KDM2B: variants seen among roughly 807,000 people sequenced by gnomAD.
KDM2B encodes the protein lysine demethylase 2B, also known as lysine-specific demethylase 2B.
In KDM2B, 26 loss-of-function variants were observed where a neutral mutation model predicts 150.0. The observed-to-expected ratio is 0.17, with a 90% CI of 0.13 to 0.24. The LOEUF is 0.24. Among genes scored for constraint, KDM2B ranks in the 10% least tolerant of loss-of-function variants. The pLI is 1.00. For missense variants in KDM2B, 1,265 were observed against 1,816.9 expected (o/e 0.70, Z 5.52); for synonymous variants, 734 against 729.5 (o/e 1.01, Z -0.10).
At chr12:121,569,517 C>T (rs1201322141) in intron 4 of KDM2B, among the ~76,000 whole-genome samples, 1 of 152,184 alleles carries the variant, frequency 6.6e-6, no homozygotes, top group African/African-American at 2.4e-5. Context: ...TAGATGTCCC[C>T]GGAGGTTACA....
chr12:121,566,450 T>C (rs527955484), intron 4 of KDM2B, among the ~76,000 whole-genome samples: 8 of 152,140 alleles, frequency 5.3e-5, no homozygotes, highest in African/African-American at 1.9e-4. Context: ...GGTAAAACCC[T>C]GTCTCTACTA....
chr12:121,508,884 C>A (rs1402057457), intron 11 of KDM2B, among the ~76,000 whole-genome samples: 3 of 152,226 alleles, frequency 2.0e-5, no homozygotes, highest in Non-Finnish European at 2.9e-5. Context: ...CGTGCTCCAA[C>A]ATGCTGGCCC....
the KDM2B span, among the ~76,000 whole-genome samples, chr12:121,422,468 C>A: frequency 6.6e-6 from 1 of 152,260 alleles, no homozygotes; most frequent in African/African-American, 2.4e-5. Context: ...ATTGGCATAT[C>A]TGCCATCTCA....
At chr12:121,444,971 G>C (rs80124883) in intron 14 of KDM2B, 21,922 of 421,850 alleles carry the variant, frequency 0.052, 786 homozygotes, top group Non-Finnish European at 0.064. Context: ...ACCTGGAGGC[G>C]CTTCCTCTGG....
chr12:121,560,178 C>G (rs1378502072), intron 4 of KDM2B, among the ~76,000 whole-genome samples: 1 of 151,846 alleles, frequency 6.6e-6, no homozygotes, highest in African/African-American at 2.4e-5. Context: ...GCTTTATTTT[C>G]TTTTGTAGAG....
chr12:121,454,944 C>T (rs1555292434), intron 12 of KDM2B, among the ~76,000 whole-genome samples: 1 of 152,186 alleles, frequency 6.6e-6, no homozygotes, highest in East Asian at 1.9e-4. Context: ...CTAGAAACTT[C>T]CAACTGCATA....
At chr12:121,431,768 C>A (rs1873063988) in intron 22 of KDM2B, among the ~76,000 whole-genome samples, 1 of 152,004 alleles carries the variant, frequency 6.6e-6, no homozygotes, top group Admixed American at 6.6e-5. Context: ...GGAAAGCTGT[C>A]TACATACACA....
rs1875729149 is a variant in KDM2B, at chr12:121,444,266, G to A, written c.2197C>T (p.Arg733Cys). The A allele has an allele frequency of 1.2e-6, 2 of 1,613,754 alleles. No individual in the cohort carries two copies. Among genetic ancestry groups the A allele is most frequent in the Non-Finnish European group, 1.7e-6 (2 of 1,179,910 alleles). The change falls in exon 16 of 23, where the codon CGT (arginine) becomes TGT (cysteine). Residue 733 changes from arginine (R) to cysteine (C), a missense_variant. Arg to Cys is a radical substitution (Grantham distance 180). Transcript: ENST00000377071. ...GAGGCGTACTTAAAGCCAGGGCCAC[G>A]CTTTTGCTTGTAGGCCAAAAAGAGA... The part of the protein sequence containing the change: ...NHAGKTGKQK[R>C]GPGFKYASNL...
chr12:121,523,917 C>A (rs971558654), intron 8 of KDM2B, among the ~76,000 whole-genome samples: 1 of 152,244 alleles, frequency 6.6e-6, no homozygotes, highest in African/African-American at 2.4e-5. Context: ...AGAAGCATGG[C>A]TGCCGCCCTG....
intron 11 of KDM2B, among the ~76,000 whole-genome samples, chr12:121,497,813 T>C (rs1250759587): frequency 5.9e-5 from 9 of 151,598 alleles, no homozygotes; most frequent in African/African-American, 2.2e-4. Context: ...ATGGTTTAAC[T>C]CTGGCCAGTT....
chr12:121,488,474 TAA>T (rs1555299353), intron 12 of KDM2B, among the ~76,000 whole-genome samples: 3 of 152,060 alleles, frequency 2.0e-5, no homozygotes, highest in Non-Finnish European at 1.5e-5. Context: ...CACAGATGAG[TAA>T]ACTGAGGCTG....
rs574036726 is a variant in KDM2B, at chr12:121,510,538, A to C, written c.1175-499T>G. Among the ~76,000 whole-genome samples, 3 of 152,092 alleles carry C rather than the reference A, an allele frequency of 2.0e-5. No homozygotes were observed. The East Asian group carries it at 5.8e-4, about 29-fold the overall frequency. On this transcript the variant is annotated intron_variant, in intron 10 of 22. Transcript: ENST00000377071. ...CTGGGTGCAGTGGCTCACGCCTATA[A>C]TCCCTACACTTTGAGGGGCCTAGGC...
chr12:121,462,219 A>AT (rs1234800312), intron 12 of KDM2B, among the ~76,000 whole-genome samples: 3 of 152,154 alleles, frequency 2.0e-5, no homozygotes, highest in Non-Finnish European at 2.9e-5. Flanking sequence ...TGCAAGCATA[A>AT]TGGACAGCCC....
In KDM2B at chr12:121,560,635, G is replaced by T. The variant is rs1435778673; in HGVS notation, c.398-10997C>A. 3.3e-4 allele frequency among the ~76,000 whole-genome samples: 50 copies of T among 151,976 alleles called. 1 individual carries two copies. The highest frequency in any genetic ancestry group is 3.3e-3 in the Admixed American group (50 of 15,224). ...CCCTTAAATGTATAAAGTGGGCAGG[G>T]GCAGGGGCAGTGGGGGCAGAGGAAG... On this transcript the variant is annotated intron_variant, in intron 4 of 22. Transcript: ENST00000377071.
chr12:121,430,357 G>C lies in KDM2B; in HGVS notation c.3942C>G (p.Phe1314Leu). The change falls in exon 23 of 23, where the codon TTC becomes TTG. Residue 1314 changes from phenylalanine to leucine, a missense_variant. By Grantham distance (22) the Phe-to-Leu change is conservative (BLOSUM62 0). This residue lies in a region of KDM2B where 251 missense variants were observed against 397.8 expected (regional missense o/e 0.63). Coordinates refer to ENST00000377071, the MANE Select transcript of KDM2B (RefSeq NM_032590.5). This position sits in a 1 kb window ranked among gnomAD's most constrained non-coding sequence, Gnocchi z 4.4. ...GGACACTCACAGACATCTCGGCTAT[G>C]AACTGCTCACAGCCTTCCTTGGTGA... is the stretch of plus-strand genomic sequence containing the variant. ...KQVTKEGCEQFIAEMSVSVQF... is the reference protein window; with the variant it reads ...KQVTKEGCEQLIAEMSVSVQF... 1.2e-6 allele frequency: 2 copies of C among 1,614,122 alleles called. No individual in the cohort carries two copies. The highest frequency in any genetic ancestry group is 1.7e-6 in the Non-Finnish European group (2 of 1,180,018).
chr12:121,410,527 A>G, the KDM2B span, among the ~76,000 whole-genome samples: 1 of 146,366 alleles, frequency 6.8e-6, no homozygotes, highest in African/African-American at 2.6e-5. Context: ...ACAGAGCAAG[A>G]TTCTGTCTCA....
chr12:121,524,766 C>T (rs1218503291), intron 8 of KDM2B: 2 of 432,550 alleles, frequency 4.6e-6, no homozygotes, highest in African/African-American at 4.1e-5. Context: ...GCATCTGCCT[C>T]CTGCTTCCAG....
the KDM2B span, among the ~76,000 whole-genome samples, chr12:121,415,840 CTTTT>C: frequency 1.9e-5 from 2 of 108,096 alleles, no homozygotes; most frequent in Admixed American, 1.0e-4. Context: ...TTTGTCCAGT[CTTTT>C]TTTTTTTTTT....
intron 22 of KDM2B, among the ~76,000 whole-genome samples, chr12:121,435,024 C>T (rs1393294791): frequency 7.3e-6 from 1 of 136,994 alleles, no homozygotes; most frequent in East Asian, 2.1e-4. Flanking sequence ...ACCAAAATCA[C>T]AGCCAACAAA....
Sources: allele counts gnomAD v4.1 joint callset (sites outside exome capture counted in the v4.1 genomes callset), GRCh38; gene constraint gnomAD v4.1.1; regional missense constraint gnomAD v4.1.1; non-coding constraint Gnocchi (gnomAD v3.1); transcripts MANE v1.5; gene names NCBI Gene and HGNC (gene_info 2026-07-23, HGNC 2026-07-21).